EIF4EBP3: variants seen among roughly 807,000 people sequenced by gnomAD.
The protein encoded by EIF4EBP3 is eukaryotic translation initiation factor 4E binding protein 3, also known as eukaryotic translation initiation factor 4E-binding protein 3.
Under a neutral mutation model 12.1 loss-of-function variants are expected in EIF4EBP3, and 11 were observed. The observed-to-expected ratio is 0.91, with a 90% CI of 0.57 to 1.51. The LOEUF is 1.51. EIF4EBP3 is among the 40% of genes most tolerant of loss of function. The pLI, the probability that EIF4EBP3 is intolerant of heterozygous loss-of-function variation, is 0.00. For synonymous variants in EIF4EBP3, 43 were observed against 54.2 expected, an observed-to-expected ratio of 0.79 and a Z score of 0.91; for missense variants, 136 against 131.8, an observed-to-expected ratio of 1.03 and a Z score of -0.16.
In EIF4EBP3 at chr5:140,548,999, G is replaced by T. The variant is rs890735712; in HGVS notation, c.197G>T (p.Gly66Val). ...CCCTGCTGCCTCCCTCAGATTCCCGGGGTCACAACTCCTCCAACAGCCCCT... is the reference window on the plus strand; with the variant it reads ...CCCTGCTGCCTCCCTCAGATTCCCGTGGTCACAACTCCTCCAACAGCCCCT... ...TPPCCLPQIP[G>V]VTTPPTAPLS... Residue 66 changes from glycine (G) to valine (V), a missense_variant, in exon 2 of 3, where the codon GGG (glycine) becomes GTG (valine). Gly to Val is a moderately radical substitution (Grantham distance 109). Coordinates refer to ENST00000310331, the MANE Select transcript of EIF4EBP3 (RefSeq NM_003732.3). 5.0e-6 allele frequency: 8 copies of T among 1,613,944 alleles called. No individual in the cohort carries two copies. In the African/African-American group the frequency reaches 1.1e-4, roughly 22 times the overall value.
rs1754461070 is a variant in EIF4EBP3, at chr5:140,549,000, G to A, written c.198G>A (p.Gly66=). ...TPPCCLPQIP[G]VTTPPTAPLS... Reference sequence around the variant, plus strand: ...CCTGCTGCCTCCCTCAGATTCCCGGGGTCACAACTCCTCCAACAGCCCCTC... The same window carrying A: ...CCTGCTGCCTCCCTCAGATTCCCGGAGTCACAACTCCTCCAACAGCCCCTC... The change falls in exon 2 of 3, where the codon GGG becomes GGA. Residue 66 remains glycine (G), a synonymous_variant. Transcript: ENST00000310331. 3.1e-6 allele frequency: 5 copies of A among 1,614,026 alleles called. No homozygotes were observed. The highest frequency in any genetic ancestry group is 4.2e-6 in the Non-Finnish European group (5 of 1,180,008).
chr5:140,548,797 A>C (rs1754451217), intron 1 of EIF4EBP3, 109 bp from the exon 2 acceptor site: 5 of 1,439,340 alleles, frequency 3.5e-6, no homozygotes, highest in Admixed American at 2.5e-5. Flanking sequence ...ATACACAGGG[A>C]AATTTGACAC....
At position 140,548,782 on chromosome 5, in the gene EIF4EBP3, C is replaced by CT. The variant is rs1754450412; in HGVS notation, c.104-121dup. The CT allele has an allele frequency of 2.2e-6, 3 of 1,367,296 alleles. No homozygotes were observed. The South Asian group carries it at 4.5e-5, about 20-fold the overall frequency. 84.7% of individuals were successfully genotyped at this position (1,367,296 alleles called of 1,614,324 possible). A position where few individuals can be genotyped will look rare whatever the true frequency, so the allele number is the denominator to read the frequency against. ...CTAGCTGGGCTTCAGAGCCGATGTC[C>CT]TTTGATACACAGGGAAATTTGACAC... On this transcript the variant is annotated intron_variant, in intron 1 of 2. Coordinates refer to ENST00000310331, the MANE Select transcript of EIF4EBP3 (RefSeq NM_003732.3).
chr5:140,549,414 G>A lies in EIF4EBP3; in HGVS notation c.*152G>A. The A allele has an allele frequency of 1.5e-6, 2 of 1,353,896 alleles. No homozygotes were observed. The highest frequency in any genetic ancestry group is 1.2e-5 in the South Asian group (1 of 82,552). 83.9% of individuals were successfully genotyped at this position (1,353,896 alleles called of 1,614,324 possible). ...GTTCCAGGCCTCCTTTAGTTCTGAG[G>A]CAGCTAGACCAGGGATAGGAGTGGG... On this transcript the variant is annotated 3_prime_UTR_variant, in exon 3 of 3. Coordinates refer to ENST00000310331, the MANE Select transcript of EIF4EBP3 (RefSeq NM_003732.3).
intron 2 of EIF4EBP3, 75 bp from the exon 3 acceptor site, chr5:140,549,159 A>C (rs1754467590): frequency 6.2e-7 from 1 of 1,614,094 alleles, no homozygotes; most frequent in African/African-American, 1.3e-5. Flanking sequence ...CAGTTCCAAG[A>C]GGGGTTTCTG....
At chr5:140,548,176 A>T in intron 1 of EIF4EBP3, among the ~76,000 whole-genome samples, 1 of 152,198 alleles carries the variant, frequency 6.6e-6, no homozygotes, top group East Asian at 1.9e-4. Flanking sequence ...AGCCGGAAGC[A>T]CCGGGTCTTG....
rs1754462195 is a variant in EIF4EBP3, at chr5:140,549,024, T to C, written c.222T>C (p.Pro74=). 6.2e-7 allele frequency: 1 copy of C among 1,613,774 alleles called. No homozygotes were observed. Among genetic ancestry groups the C allele is most frequent in the African/African-American group, 1.3e-5 (1 of 74,812 alleles). ...IPGVTTPPTA[P]LSKLEELKEQ... is the part of the protein sequence containing the mutation. ...GGGTCACAACTCCTCCAACAGCCCC[T>C]CTCTCCAAGCTGGAGGAGCTGAAGG... The change falls in exon 2 of 3, where the codon CCT becomes CCC. Residue 74 remains proline, a synonymous_variant. Coordinates refer to ENST00000310331, the MANE Select transcript of EIF4EBP3 (RefSeq NM_003732.3).
chr5:140,549,170 C>T (rs1754467915), intron 2 of EIF4EBP3, 64 bp from the exon 3 acceptor site: 1 of 1,614,090 alleles, frequency 6.2e-7, no homozygotes, highest in South Asian at 1.1e-5. Flanking sequence ...GGGGTTTCTG[C>T]ACTGATGCTG....
chr5:140,548,861 G>A (rs1341027221), intron 1 of EIF4EBP3, 45 bp from the exon 2 acceptor site: 2 of 1,576,948 alleles, frequency 1.3e-6, no homozygotes, highest in Non-Finnish European at 1.7e-6. Context: ...AGTCACCTCG[G>A]TACCCAAGCT....
intron 1 of EIF4EBP3, 130 bp from the exon 2 acceptor site, chr5:140,548,776 G>C: frequency 7.7e-7 from 1 of 1,302,326 alleles, no homozygotes; most frequent in Admixed American, 2.8e-5. Flanking sequence ...CTTCAGAGCC[G>C]ATGTCCTTTG....
Position 140,547,794 on chromosome 5 carries a change from CTACAGCACCACGCCGGG to C in EIF4EBP3, c.58_74del (p.Tyr20GlyfsTer68), listed in dbSNP as rs1373707447. 6.5e-7 allele frequency: 1 copy of C among 1,535,832 alleles called. No homozygotes were observed. Among genetic ancestry groups the C allele is most frequent in the African/African-American group, 1.4e-5 (1 of 72,122 alleles). ...GGGGCCGGGACCAGCTGCCCGACTGCTACAGCACCACGCCGGGGGGCACGCTATACGCCACTACCCCC... is the reference window on the plus strand; with the variant it reads ...GGGGCCGGGACCAGCTGCCCGACTGCGGGCACGCTATACGCCACTACCCCC... On this transcript the variant is annotated frameshift_variant, in exon 1 of 3. Coordinates refer to ENST00000310331, the MANE Select transcript of EIF4EBP3 (RefSeq NM_003732.3). LOFTEE classifies it high-confidence loss of function.
intron 1 of EIF4EBP3, among the ~76,000 whole-genome samples, chr5:140,548,089 C>G (rs1221193993): frequency 6.6e-6 from 1 of 152,228 alleles, no homozygotes; most frequent in Non-Finnish European, 1.5e-5. Context: ...GTTCTTGGAG[C>G]CTTACACACG....
rs890735712 is a variant in EIF4EBP3, at chr5:140,548,999, G to A, written c.197G>A (p.Gly66Glu). 6.2e-7 allele frequency: 1 copy of A among 1,614,062 alleles called. No homozygotes were observed. The highest frequency in any genetic ancestry group is 1.6e-4 in the Middle Eastern group (1 of 6,062). ...CCCTGCTGCCTCCCTCAGATTCCCGGGGTCACAACTCCTCCAACAGCCCCT... is the reference window on the plus strand; with the variant it reads ...CCCTGCTGCCTCCCTCAGATTCCCGAGGTCACAACTCCTCCAACAGCCCCT... ...TPPCCLPQIP[G>E]VTTPPTAPLS... Residue 66 changes from glycine to glutamate, a missense_variant, in exon 2 of 3, where the codon GGG becomes GAG. Physicochemically the swap from Gly to Glu is moderately conservative, Grantham distance 98. Coordinates refer to ENST00000310331, the MANE Select transcript of EIF4EBP3 (RefSeq NM_003732.3).
rs760724890 is a variant in EIF4EBP3, at chr5:140,549,287, GGA to G, written c.*27_*28del. 1.2e-6 allele frequency: 2 copies of G among 1,614,024 alleles called. No homozygotes were observed. The highest frequency in any genetic ancestry group is 2.7e-5 in the African/African-American group (2 of 74,928). ...ATCCAGTGCAGATGACCTGGCATGT[GGA>G]GTTACAGAGGGATCCCTCATGCCAC... On this transcript the variant is annotated 3_prime_UTR_variant, in exon 3 of 3. Transcript: ENST00000310331.
At chr5:140,549,145 G>C in intron 2 of EIF4EBP3, 69 bp downstream of exon 2, 1 of 1,614,178 alleles carries the variant, frequency 6.2e-7, no homozygotes. Flanking sequence ...ACAGTGCGGG[G>C]GTTCAGTTCC....
At position 140,549,302 on chromosome 5, in the gene EIF4EBP3, T is replaced by A. The variant is rs1398720852; in HGVS notation, c.*40T>A. ...CCTGGCATGTGGAGTTACAGAGGGA[T>A]CCCTCATGCCACTGCTGCCACCACC... On this transcript the variant is annotated 3_prime_UTR_variant, in exon 3 of 3. Coordinates refer to ENST00000310331, the MANE Select transcript of EIF4EBP3 (RefSeq NM_003732.3). 3.7e-6 allele frequency: 6 copies of A among 1,614,058 alleles called. No individual in the cohort carries two copies. The South Asian group carries it at 6.6e-5, about 18-fold the overall frequency.
rs981684955 is a variant in EIF4EBP3 at position 140,547,887 on chromosome 5, G to A, written c.103+47G>A. ...CCGCAGGCTGCGGACATATTAGCGC[G>A]TGCGTGTTGTTGCGGGGCGGGGGTA... On this transcript the variant is annotated intron_variant, in intron 1 of 2. Coordinates refer to ENST00000310331, the MANE Select transcript of EIF4EBP3 (RefSeq NM_003732.3). 4 of 1,376,542 alleles carry A rather than the reference G, an allele frequency of 2.9e-6. No homozygotes were observed. The Admixed American group carries it at 1.0e-4, about 34-fold the overall frequency. 85.3% of individuals were successfully genotyped at this position (1,376,542 alleles called of 1,614,324 possible). A position where few individuals can be genotyped will look rare whatever the true frequency, so the allele number is the denominator to read the frequency against.
chr5:140,548,760 G>A (rs1259225849), intron 1 of EIF4EBP3, 146 bp from the exon 2 acceptor site: 1 of 1,165,050 alleles, frequency 8.6e-7, no homozygotes, highest in Non-Finnish European at 1.2e-6. Flanking sequence ...TGAGAACCTA[G>A]CTGGGCTTCA....
rs1424993520 is a variant in EIF4EBP3, at chr5:140,547,689, T to A, written c.-49T>A. ...GTCCGCCTCAGACTCAGAGCTGCGC[T>A]CCTCGACCTCAACGCCAGGCGGTTA... is the stretch of plus-strand genomic sequence containing the variant. On this transcript the variant is annotated 5_prime_UTR_variant, in exon 1 of 3. Coordinates refer to ENST00000310331, the MANE Select transcript of EIF4EBP3 (RefSeq NM_003732.3). The A allele has an allele frequency of 1.8e-5, 27 of 1,500,838 alleles. No individual in the cohort carries two copies. The highest frequency in any genetic ancestry group is 2.3e-5 in the Non-Finnish European group (25 of 1,104,764). The allele number at this position is 1,500,838 out of a possible 1,614,324, so 93.0% of individuals were successfully genotyped here.
Sources: allele counts gnomAD v4.1 joint callset (sites outside exome capture counted in the v4.1 genomes callset), GRCh38; gene constraint gnomAD v4.1.1; transcripts MANE v1.5; gene names NCBI Gene and HGNC (gene_info 2026-07-23, HGNC 2026-07-21).